EIF4G3: variants seen among roughly 807,000 people sequenced by gnomAD.
The protein encoded by EIF4G3 is eIF-4-gamma 3.
EIF4G3 carries 34 observed loss-of-function variants against 186.4 expected under a neutral mutation model. That is an observed-to-expected ratio of 0.18 (90% CI 0.14 to 0.24). The LOEUF is 0.24. Ranked by LOEUF, EIF4G3 falls within the 10% of genes least tolerant of loss-of-function variation. The pLI is 1.00. For synonymous variants in EIF4G3, 673 were observed against 679.5 expected, an observed-to-expected ratio of 0.99 and a Z score of 0.15; for missense variants, 1,536 against 1,948.5, an observed-to-expected ratio of 0.79 and a Z score of 3.99.
intron 34 of EIF4G3, among the ~76,000 whole-genome samples, chr1:20,816,419 G>T (rs1389785981): frequency 8.5e-6 from 1 of 117,690 alleles, no homozygotes; most frequent in Non-Finnish European, 1.8e-5. Flanking sequence ...AGGTGGGGGC[G>T]CCTCTGCCCG....
chr1:21,151,953 A>C (rs1001257062), intron 2 of EIF4G3, among the ~76,000 whole-genome samples: 18 of 152,158 alleles, frequency 1.2e-4, no homozygotes, highest in Non-Finnish European at 2.5e-4. Context: ...GTTCAAACAA[A>C]AGAAGACAGT....
At chr1:20,842,433 T>C (rs2068986819) in intron 29 of EIF4G3, among the ~76,000 whole-genome samples, 1 of 152,230 alleles carries the variant, frequency 6.6e-6, no homozygotes, top group Non-Finnish European at 1.5e-5. Flanking sequence ...AATGACGTAA[T>C]CTTGGCTCAC....
intron 4 of EIF4G3, among the ~76,000 whole-genome samples, chr1:21,012,268 C>T (rs1347348197): frequency 1.3e-5 from 2 of 151,974 alleles, no homozygotes; most frequent in East Asian, 1.9e-4. Flanking sequence ...TATTGTGACC[C>T]TAAAATGGTT....
chr1:20,950,959 T>C (rs1305180075), intron 12 of EIF4G3, among the ~76,000 whole-genome samples: 1 of 152,238 alleles, frequency 6.6e-6, no homozygotes, highest in Non-Finnish European at 1.5e-5. Context: ...AACAAAGCAG[T>C]GTCTCTCCTC....
At chr1:20,978,981 A>T (rs1024763056) in intron 10 of EIF4G3, among the ~76,000 whole-genome samples, 1 of 151,938 alleles carries the variant, frequency 6.6e-6, no homozygotes, top group Non-Finnish European at 1.5e-5. Flanking sequence ...AGACAATCCC[A>T]ATTTTAGGAA....
chr1:21,162,988 G>C (rs758873586), intron 2 of EIF4G3, among the ~76,000 whole-genome samples: 6 of 152,094 alleles, frequency 3.9e-5, no homozygotes, highest in Admixed American at 1.3e-4. Flanking sequence ...GTAGGAGAGG[G>C]GGCAGAAAGC....
At chr1:20,844,718 G>C (rs1188334932) in intron 29 of EIF4G3, among the ~76,000 whole-genome samples, 1 of 151,932 alleles carries the variant, frequency 6.6e-6, no homozygotes, top group East Asian at 1.9e-4. Flanking sequence ...TGTAATCCCA[G>C]CTACTCGGGA....
chr1:20,867,749 TAAAGAGA>T (rs2077920393), intron 20 of EIF4G3, among the ~76,000 whole-genome samples: 1 of 152,172 alleles, frequency 6.6e-6, no homozygotes, highest in African/African-American at 2.4e-5. Context: ...CACTAAGCAA[TAAAGAGA>T]AAATCACAAA....
intron 12 of EIF4G3, among the ~76,000 whole-genome samples, chr1:20,953,715 T>C (rs756628448): frequency 1.1e-4 from 16 of 152,342 alleles, no homozygotes; most frequent in Non-Finnish European, 2.2e-4. Context: ...GAGGTGGTTA[T>C]AGACAAGGGT....
intron 20 of EIF4G3, 124 bp downstream of exon 20, chr1:20,879,199 A>G (rs532607482): frequency 3.0e-6 from 2 of 659,374 alleles, no homozygotes; most frequent in Admixed American, 7.8e-5. Context: ...ATATTATATC[A>G]ATAAATACTA....
intron 18 of EIF4G3, chr1:20,893,062 C>T (rs935788114): frequency 4.8e-5 from 11 of 227,660 alleles, no homozygotes; most frequent in African/African-American, 2.5e-4. Flanking sequence ...TATAAGCATG[C>T]GCCAGCATGC....
intron 15 of EIF4G3, among the ~76,000 whole-genome samples, chr1:20,901,957 G>A (rs1225196629): frequency 2.0e-5 from 3 of 152,012 alleles, no homozygotes; most frequent in Non-Finnish European, 4.4e-5. Flanking sequence ...TGGCAACTAT[G>A]TATATAATAA....
At chr1:20,973,162 A>G in intron 10 of EIF4G3, 63 bp from the exon 11 acceptor site, 3 of 1,196,118 alleles carry the variant, frequency 2.5e-6, no homozygotes, top group East Asian at 2.3e-5. Context: ...CAGAACTAGC[A>G]ATGACACTGT....
chr1:21,113,305 T>C (rs1558022008), intron 2 of EIF4G3, among the ~76,000 whole-genome samples: 1 of 152,074 alleles, frequency 6.6e-6, no homozygotes, highest in African/African-American at 2.4e-5. Flanking sequence ...TTTCTTAGGC[T>C]GAATGATTTT....
intron 3 of EIF4G3, among the ~76,000 whole-genome samples, chr1:21,071,677 G>A (rs559728776): frequency 8.9e-4 from 135 of 152,030 alleles, no homozygotes; most frequent in Non-Finnish European, 1.2e-3. Context: ...ATGGTGGTGC[G>A]AGCCTGTAAT....
chr1:20,977,671 C>CAG (rs2077123626), intron 10 of EIF4G3, among the ~76,000 whole-genome samples: 1 of 152,068 alleles, frequency 6.6e-6, no homozygotes, highest in Non-Finnish European at 1.5e-5. Flanking sequence ...TGAAAGGGAA[C>CAG]AGACATCAAT....
intron 6 of EIF4G3, among the ~76,000 whole-genome samples, chr1:20,998,296 T>C (rs1558631555): frequency 6.6e-6 from 1 of 151,842 alleles, no homozygotes; most frequent in East Asian, 1.9e-4. Flanking sequence ...ATACAAGGCA[T>C]GTCAAGGCAA....
chr1:20,982,600 A>C (rs1028541542), intron 7 of EIF4G3, among the ~76,000 whole-genome samples, 192 bp from the exon 8 acceptor site: 10 of 152,244 alleles, frequency 6.6e-5, no homozygotes, highest in Admixed American at 4.6e-4. Context: ...AACCACACAT[A>C]GAATCAAAGA....
intron 2 of EIF4G3, among the ~76,000 whole-genome samples, chr1:21,128,068 G>T (rs946240529): frequency 2.6e-5 from 4 of 151,978 alleles, no homozygotes; most frequent in Non-Finnish European, 4.4e-5. Context: ...TTAGCCGGGC[G>T]TGGTGGCGGG....
Sources: allele counts gnomAD v4.1 joint callset (sites outside exome capture counted in the v4.1 genomes callset), GRCh38; gene constraint gnomAD v4.1.1; transcripts MANE v1.5; gene names NCBI Gene and HGNC (gene_info 2026-07-23, HGNC 2026-07-21).